CXorf58: variants seen among roughly 807,000 people sequenced by gnomAD.
The protein encoded by CXorf58 is chromosome X open reading frame 58, also known as uncharacterized protein CXorf58.
Under a neutral mutation model 26.0 loss-of-function variants are expected in CXorf58, and 24 were observed. The ratio of observed to expected loss-of-function variants is 0.92; its 90% CI spans 0.67 to 1.30. The LOEUF (loss-of-function observed/expected upper bound fraction) is 1.30. Ranked by LOEUF, CXorf58 falls within the 50% of genes most tolerant of loss-of-function variation. The pLI, the probability that CXorf58 is intolerant of heterozygous loss-of-function variation, is 0.00. For synonymous variants in CXorf58, 87 were observed against 86.1 expected (o/e 1.01, Z -0.06); for missense variants, 236 against 263.9 (o/e 0.89, Z 0.73).
chrX:23,914,656 C>T (rs991538683), intron 3 of CXorf58, among the ~76,000 whole-genome samples: 1 of 111,104 alleles, frequency 9.0e-6, no homozygotes, highest in Non-Finnish European at 1.9e-5. Flanking sequence ...GAGGCTGAGG[C>T]GGGTGGATCA....
At chrX:23,918,355 G>T (rs938352354) in intron 5 of CXorf58, among the ~76,000 whole-genome samples, 1 of 110,970 alleles carries the variant, frequency 9.0e-6, no homozygotes, top group South Asian at 3.8e-4. Context: ...CATGAGGCTT[G>T]CAAACAATAT....
Position 23,909,113 on chromosome X carries a change from C to T in CXorf58, c.-21+784C>T, listed in dbSNP as rs141453628. On this transcript the variant is annotated intron_variant, in intron 1 of 8. Coordinates refer to ENST00000379211, the MANE Select transcript of CXorf58 (RefSeq NM_152761.3). Reference sequence around the variant, plus strand: ...AAGAGGATTGTATATTCCAAGGCATCCCCAAGGAGAAATACTGAATAGACT... The same window carrying T: ...AAGAGGATTGTATATTCCAAGGCATTCCCAAGGAGAAATACTGAATAGACT... Among the ~76,000 whole-genome samples the T allele has an allele frequency of 3.2e-3, 358 of 111,827 alleles. 3 individuals carry two copies. The highest frequency in any genetic ancestry group is 4.7e-3 in the Non-Finnish European group (251 of 53,176).
intron 3 of CXorf58, among the ~76,000 whole-genome samples, chrX:23,915,469 G>C (rs772567898): frequency 1.8e-5 from 2 of 111,710 alleles, no homozygotes; most frequent in Non-Finnish European, 1.9e-5. Context: ...GGAAATAATA[G>C]TGCCTTTGAT....
rs1601973791 is a variant in CXorf58, at chrX:23,939,488, A to G, written c.*185A>G. On this transcript the variant is annotated 3_prime_UTR_variant, in exon 9 of 9. Coordinates refer to ENST00000379211, the MANE Select transcript of CXorf58 (RefSeq NM_152761.3). ...TCTATAAATAATGAGTATGTGTAAT[A>G]AAGGAAAATAACATAGAATAAGTCC... 2.8e-6 allele frequency: 1 copy of G among 361,100 alleles called. No homozygotes were observed. Among genetic ancestry groups the G allele is most frequent in the East Asian group, 4.4e-5 (1 of 22,848 alleles). 29.8% of individuals were successfully genotyped at this position (361,100 alleles called of 1,213,427 possible).
chrX:23,937,535 C>T (rs1215191320), intron 7 of CXorf58, among the ~76,000 whole-genome samples: 1 of 108,939 alleles, frequency 9.2e-6, no homozygotes, highest in African/African-American at 3.4e-5. Context: ...AGCGATTCTC[C>T]TGCCTCAGCC....
intron 6 of CXorf58, among the ~76,000 whole-genome samples, chrX:23,934,942 G>A (rs972064713): frequency 4.6e-5 from 5 of 109,754 alleles, no homozygotes; most frequent in Non-Finnish European, 9.5e-5. Flanking sequence ...TTGGCTCACC[G>A]CAACCTCCGC....
At chrX:23,933,142 A>AG (rs1928205975) in intron 6 of CXorf58, among the ~76,000 whole-genome samples, 1 of 110,307 alleles carries the variant, frequency 9.1e-6, no homozygotes, top group Admixed American at 9.7e-5. Context: ...AGAAAAGGAA[A>AG]AAAAAAAAGA....
At chrX:23,908,814 C>T (rs1927486949) in intron 1 of CXorf58, among the ~76,000 whole-genome samples, 1 of 112,273 alleles carries the variant, frequency 8.9e-6, no homozygotes. Context: ...TAGGGGCACA[C>T]CTGTAGTTGA....
At chrX:23,913,145 C>G (rs1415546355) in intron 3 of CXorf58, among the ~76,000 whole-genome samples, 2 of 111,037 alleles carry the variant, frequency 1.8e-5, no homozygotes, top group Admixed American at 1.9e-4. Flanking sequence ...ATAAAACAAC[C>G]TATAAATCCA....
In CXorf58 at chrX:23,927,318, A is replaced by C; in HGVS notation, c.503A>C (p.Lys168Thr). ...ATGGAAGATGAACGTATTTTCCCGA[A>C]GTCCAAAGTAACTGATATAATGGAT... ...IIMEDERIFPKSKVTDIMDVV... is the reference protein window; with the variant it reads ...IIMEDERIFPTSKVTDIMDVV... Residue 168 changes from lysine (K) to threonine (T), a missense_variant, in exon 6 of 9, where the codon AAG (lysine) becomes ACG (threonine). Physicochemically the swap from Lys to Thr is moderately conservative, Grantham distance 78. Transcript: ENST00000379211. 9 of 1,168,352 alleles carry C rather than the reference A, an allele frequency of 7.7e-6. No individual in the cohort carries two copies. The highest frequency in any genetic ancestry group is 1.0e-5 in the Non-Finnish European group (9 of 864,619).
intron 6 of CXorf58, among the ~76,000 whole-genome samples, chrX:23,933,725 C>A (rs1422718024): frequency 9.0e-6 from 1 of 110,957 alleles, no homozygotes; most frequent in Non-Finnish European, 1.9e-5. Flanking sequence ...CCCATCTCTA[C>A]TAAAAATACA....
At chrX:23,910,769 T>C (rs1158714961) in intron 2 of CXorf58, among the ~76,000 whole-genome samples, 5 of 91,135 alleles carry the variant, frequency 5.5e-5, no homozygotes, top group African/African-American at 1.6e-4. Flanking sequence ...TCTTTTTTTT[T>C]TTTTTTTTTT....
chrX:23,916,500 TAA>T (rs11446281), intron 5 of CXorf58, 172 bp downstream of exon 5: 2,677 of 107,984 alleles, frequency 0.025, no homozygotes, highest in Middle Eastern at 0.037. Context: ...ACTTACTAGC[TAA>T]AAAAAAAAAA....
chrX:23,934,655 G>T (rs906220224), intron 6 of CXorf58, among the ~76,000 whole-genome samples: 4 of 111,259 alleles, frequency 3.6e-5, no homozygotes, highest in Non-Finnish European at 5.7e-5. Flanking sequence ...CATGTGCCGT[G>T]TTGGTGTGCT....
intron 5 of CXorf58, among the ~76,000 whole-genome samples, chrX:23,924,926 C>T (rs1927966079): frequency 9.0e-6 from 1 of 110,882 alleles, no homozygotes; most frequent in Non-Finnish European, 1.9e-5. Flanking sequence ...AGAGCTCTTA[C>T]TATGTTGCTA....
At chrX:23,926,276 A>G (rs1022866027) in intron 5 of CXorf58, among the ~76,000 whole-genome samples, 1 of 111,074 alleles carries the variant, frequency 9.0e-6, no homozygotes, top group African/African-American at 3.3e-5. Context: ...GTGGAAGGGT[A>G]TGGTATAAGT....
At chrX:23,932,943 C>T (rs919682739) in intron 6 of CXorf58, among the ~76,000 whole-genome samples, 29 of 110,501 alleles carry the variant, frequency 2.6e-4, no homozygotes, top group African/African-American at 8.2e-4. Flanking sequence ...TGCAGTGAGC[C>T]GAGATTGCGC....
chrX:23,939,475 G>A lies in CXorf58; in HGVS notation c.*172G>A. 1 of 385,324 alleles carries A rather than the reference G, an allele frequency of 2.6e-6. No homozygotes were observed. Among genetic ancestry groups the A allele is most frequent in the East Asian group, 4.2e-5 (1 of 23,969 alleles). The allele number at this position is 385,324 out of a possible 1,213,427, so 31.8% of individuals were successfully genotyped here. On this transcript the variant is annotated 3_prime_UTR_variant, in exon 9 of 9. Transcript: ENST00000379211. ...ATCTGCTTGTCTGTCTATAAATAAT[G>A]AGTATGTGTAATAAAGGAAAATAAC...
intron 8 of CXorf58, 26 bp from the exon 9 acceptor site, chrX:23,939,218 C>T (rs75098871): frequency 9.1e-7 from 1 of 1,100,233 alleles, no homozygotes; most frequent in Non-Finnish European, 1.2e-6. Flanking sequence ...ATAACACTTC[C>T]TACTTTTATT....
Sources: allele counts gnomAD v4.1 joint callset (sites outside exome capture counted in the v4.1 genomes callset), GRCh38; gene constraint gnomAD v4.1.1; transcripts MANE v1.5; gene names NCBI Gene and HGNC (gene_info 2026-07-23, HGNC 2026-07-21).